Variants in ZSCAN30 observed in about 807,000 individuals in gnomAD.
The protein encoded by ZSCAN30 is zinc finger and SCAN domain-containing protein 30.
Under a neutral mutation model 44.3 loss-of-function variants are expected in ZSCAN30, and 37 were observed. The ratio of observed to expected loss-of-function variants is 0.84; its 90% CI spans 0.64 to 1.10. The LOEUF (loss-of-function observed/expected upper bound fraction) is 1.10. Ranked by LOEUF, ZSCAN30 falls within the 50% of genes least tolerant of loss-of-function variation. The probability of loss-of-function intolerance (pLI) is 0.00; values close to 1 mark genes in which losing one functional copy is unlikely to be tolerated. For synonymous variants in ZSCAN30, 181 were observed against 204.6 expected (o/e 0.88, Z 0.98); for missense variants, 549 against 582.6 (o/e 0.94, Z 0.59).
chr18:35,263,398 C>A (rs763059763), intron 3 of ZSCAN30, 115 bp downstream of exon 3: 1 of 1,299,980 alleles, frequency 7.7e-7, no homozygotes, highest in Non-Finnish European at 1.1e-6. Context: ...GGCAAAGAAG[C>A]CTTTCCACAA....
chr18:35,267,430 G>T (rs535475101), intron 1 of ZSCAN30: 14 of 152,266 alleles, frequency 9.2e-5, no homozygotes, highest in African/African-American at 3.1e-4. Flanking sequence ...GGACAGGGGC[G>T]GTTTGGGAAG....
chr18:35,262,548 C>T (rs1213506155), intron 3 of ZSCAN30: 2 of 151,974 alleles, frequency 1.3e-5, no homozygotes, highest in South Asian at 2.1e-4. Flanking sequence ...GGCTTTTCTT[C>T]CTGGTTCTGG....
chr18:35,288,206 C>G (rs1163721065), intron 1 of ZSCAN30, among the ~76,000 whole-genome samples: 1 of 152,182 alleles, frequency 6.6e-6, no homozygotes, highest in Non-Finnish European at 1.5e-5. Context: ...GACTAGTGTC[C>G]AGAATGGACG....
chr18:35,258,304 A>G (rs1362139059), intron 3 of ZSCAN30: 1 of 297,678 alleles, frequency 3.4e-6, no homozygotes, highest in Admixed American at 4.7e-5. Flanking sequence ...CATTGGAGAG[A>G]TAGAGTCACT....
intron 1 of ZSCAN30, among the ~76,000 whole-genome samples, chr18:35,270,643 C>T (rs1004254388): frequency 2.6e-5 from 4 of 152,138 alleles, no homozygotes; most frequent in Non-Finnish European, 1.5e-5. Context: ...TGGAGTGGCA[C>T]CATCTCAGCT....
intron 1 of ZSCAN30, among the ~76,000 whole-genome samples, chr18:35,287,770 A>T (rs1240659591): frequency 1.3e-5 from 2 of 152,146 alleles, no homozygotes; most frequent in Admixed American, 1.3e-4. Context: ...GCCAATTGAT[A>T]AACTGTGCTT....
chr18:35,261,006 T>A (rs897200668), intron 3 of ZSCAN30: 2 of 152,252 alleles, frequency 1.3e-5, no homozygotes, highest in African/African-American at 4.8e-5. Context: ...AAGTCTTTAG[T>A]CCATGTTGAG....
Position 35,264,073 on chromosome 18 carries a change from C to A in ZSCAN30, c.280G>T (p.Glu94Ter), listed in dbSNP as rs1368875531. The change falls in exon 2 of 4, where the codon GAG becomes TAG. Residue 94 changes from glutamate to a stop codon, truncating the protein, a stop_gained. Coordinates refer to ENST00000333206, the MANE Select transcript of ZSCAN30 (RefSeq NM_001112734.4). LOFTEE classifies it high-confidence loss of function. ...KEQILELLML[E>*]QFLAILPEEL... ...TCAGGAAGGATGGCCAGGAACTGCTCCAACATCAGCAGCTCCAGGATCTGC... is the reference window on the plus strand; with the variant it reads ...TCAGGAAGGATGGCCAGGAACTGCTACAACATCAGCAGCTCCAGGATCTGC... 1 of 1,613,976 alleles carries A rather than the reference C, an allele frequency of 6.2e-7. No homozygotes were observed.
At chr18:35,256,164 A>T (rs2043805665) in intron 3 of ZSCAN30, 1 of 152,482 alleles carries the variant, frequency 6.6e-6, no homozygotes, top group Non-Finnish European at 1.5e-5. Flanking sequence ...CATCAGGAAG[A>T]CATCAAGATT....
chr18:35,269,193 A>G (rs1484171338), intron 1 of ZSCAN30: 2 of 152,366 alleles, frequency 1.3e-5, no homozygotes, highest in Admixed American at 6.5e-5. Flanking sequence ...TATGGAAGCC[A>G]TTAGCCATTT....
intron 1 of ZSCAN30, among the ~76,000 whole-genome samples, chr18:35,275,797 T>A (rs2044357842): frequency 6.6e-6 from 1 of 152,256 alleles, no homozygotes; most frequent in Non-Finnish European, 1.5e-5. Flanking sequence ...TTTCTTTTAT[T>A]CATAACTGAC....
At chr18:35,258,583 G>T (rs1461663591) in intron 3 of ZSCAN30, 1 of 152,600 alleles carries the variant, frequency 6.6e-6, no homozygotes, top group East Asian at 1.9e-4. Context: ...TTAAAACAAG[G>T]TCAGGAGGCT....
chr18:35,263,124 C>T (rs779170771), intron 3 of ZSCAN30: 16 of 361,204 alleles, frequency 4.4e-5, no homozygotes, highest in South Asian at 3.3e-4. Flanking sequence ...AACTGTAGTC[C>T]TAGCTACTCT....
At chr18:35,289,340 C>T (rs1188233571) in intron 1 of ZSCAN30, 2 of 152,134 alleles carry the variant, frequency 1.3e-5, no homozygotes, top group Admixed American at 1.3e-4. Flanking sequence ...CAAGTTCCCA[C>T]ATCTCTTTCC....
At chr18:35,271,581 C>A (rs2044276869) in intron 1 of ZSCAN30, among the ~76,000 whole-genome samples, 1 of 152,254 alleles carries the variant, frequency 6.6e-6, no homozygotes. Flanking sequence ...AGGAGCCCAG[C>A]TGGCTTTGCC....
Position 35,255,640 on chromosome 18 carries a change from T to A in ZSCAN30, c.554-1259A>T, listed in dbSNP as rs77233655. 595 of 154,440 alleles carry A rather than the reference T, an allele frequency of 3.9e-3. 1 individual carries two copies. Among genetic ancestry groups the A allele is most frequent in the Non-Finnish European group, 6.7e-3 (457 of 68,188 alleles). 9.6% of individuals were successfully genotyped at this position (154,440 alleles called of 1,614,324 possible). A position where few individuals can be genotyped will look rare whatever the true frequency, so the allele number is the denominator to read the frequency against. The stretch of plus-strand genomic sequence containing the variant: ...AAAGCATTATGCTTTTATATAAAAA[T>A]GAATACCTATTTCTGATATTAAGTT... On this transcript the variant is annotated intron_variant, in intron 3 of 3. Transcript: ENST00000333206.
rs200349611 is a variant in ZSCAN30, at chr18:35,253,808, C to T, written c.1127G>A (p.Arg376Gln). 77 of 1,613,976 alleles carry T rather than the reference C, an allele frequency of 4.8e-5. No individual in the cohort carries two copies. The highest frequency in any genetic ancestry group is 5.4e-5 in the Non-Finnish European group (64 of 1,180,006). Reference sequence around the variant, plus strand: ...AGGCTTCTCTCCAGTGTGGATTCTCCGATGCCTGATGAGCTCTGAACTGCC... The same window carrying T: ...AGGCTTCTCTCCAGTGTGGATTCTCTGATGCCTGATGAGCTCTGAACTGCC... ...FRGSSELIRHRRIHTGEKPYE... is the reference protein window; with the variant it reads ...FRGSSELIRHQRIHTGEKPYE... The change falls in exon 4 of 4, where the codon CGG (arginine) becomes CAG (glutamine). Residue 376 changes from arginine (R) to glutamine (Q), a missense_variant. Physicochemically the swap from Arg to Gln is conservative, Grantham distance 43. Coordinates refer to ENST00000333206, the MANE Select transcript of ZSCAN30 (RefSeq NM_001112734.4).
chr18:35,256,490 C>T (rs189999977), intron 3 of ZSCAN30, among the ~76,000 whole-genome samples: 16 of 151,382 alleles, frequency 1.1e-4, no homozygotes, highest in Non-Finnish European at 2.1e-4. Context: ...GAACCAGGGA[C>T]GTGGAGGTTG....
At chr18:35,263,294 G>T in intron 3 of ZSCAN30, 2 of 514,856 alleles carry the variant, frequency 3.9e-6, no homozygotes, top group Non-Finnish European at 3.4e-6. Context: ...ATGGGTATTA[G>T]AGAATTTTAC....
Sources: gnomAD v4.1 joint callset for allele counts (sites outside exome capture counted in the v4.1 genomes callset) on GRCh38, gnomAD v4.1.1 for gene constraint, MANE v1.5 for transcripts, NCBI Gene and HGNC (gene_info 2026-07-23, HGNC 2026-07-21) for gene names.